FRMPD4: variants seen among roughly 807,000 people sequenced by gnomAD.
FRMPD4 encodes the protein FERM and PDZ domain containing 4.
Under a neutral mutation model 94.1 loss-of-function variants are expected in FRMPD4, and 22 were observed. That is an observed-to-expected ratio of 0.23 (90% CI 0.17 to 0.33). The LOEUF (loss-of-function observed/expected upper bound fraction) is 0.33. Ranked by LOEUF, FRMPD4 falls within the 10% of genes least tolerant of loss-of-function variation. FRMPD4 has a pLI of 1.00. For synonymous variants in FRMPD4, 631 were observed against 548.6 expected, an observed-to-expected ratio of 1.15 and a Z score of -2.10; for missense variants, 1,111 against 1,339.9, an observed-to-expected ratio of 0.83 and a Z score of 2.67.
intron 4 of FRMPD4, among the ~76,000 whole-genome samples, chrX:12,667,526 A>G (rs1242362460): frequency 8.9e-6 from 1 of 112,288 alleles, no homozygotes; most frequent in Admixed American, 9.4e-5. Flanking sequence ...TAAAATGAGA[A>G]AGGCATTTAA....
intron 2 of FRMPD4, among the ~76,000 whole-genome samples, chrX:11,868,536 C>T (rs1193645123): frequency 9.8e-6 from 1 of 102,529 alleles, no homozygotes; most frequent in African/African-American, 3.6e-5. Flanking sequence ...TGATTTCCAA[C>T]TGGAGATGTA....
At chrX:12,158,391 A>G (rs1569173362) in intron 1 of FRMPD4, among the ~76,000 whole-genome samples, 1 of 111,890 alleles carries the variant, frequency 8.9e-6, no homozygotes, top group East Asian at 2.8e-4. Context: ...CACCAGTAAC[A>G]CTTCTTATTT....
At chrX:12,661,412 T>C (rs774905567) in intron 4 of FRMPD4, among the ~76,000 whole-genome samples, 21 of 112,140 alleles carry the variant, frequency 1.9e-4, no homozygotes, top group Non-Finnish European at 3.8e-4. Context: ...AAAATGGTAG[T>C]AGGAGAAACA....
chrX:12,501,442 GTT>G (rs147454207), intron 2 of FRMPD4, among the ~76,000 whole-genome samples: 1 of 94,191 alleles, frequency 1.1e-5, no homozygotes, highest in African/African-American at 3.9e-5. Context: ...TCCTTTCCTT[GTT>G]TTTTTTTTTT....
chrX:12,654,231 CTGGCTTCTG>C (rs1325306890), intron 4 of FRMPD4, among the ~76,000 whole-genome samples: 1 of 112,232 alleles, frequency 8.9e-6, no homozygotes, highest in Non-Finnish European at 1.9e-5. Context: ...CCATACCATG[CTGGCTTCTG>C]TGAACTTTCA....
At chrX:12,674,009 C>T (rs1160680872) in intron 4 of FRMPD4, among the ~76,000 whole-genome samples, 1 of 111,775 alleles carries the variant, frequency 8.9e-6, no homozygotes, top group Non-Finnish European at 1.9e-5. Context: ...TTAATTACAA[C>T]CTAAAGTAGA....
intron 1 of FRMPD4, among the ~76,000 whole-genome samples, chrX:12,232,575 C>A (rs921002017): frequency 2.7e-5 from 3 of 111,033 alleles, no homozygotes; most frequent in Non-Finnish European, 3.8e-5. Context: ...ACAGACAAAC[C>A]ATGTCAGTCC....
intron 4 of FRMPD4, among the ~76,000 whole-genome samples, chrX:12,618,185 T>C (rs1180363431): frequency 8.9e-6 from 1 of 111,917 alleles, no homozygotes; most frequent in Non-Finnish European, 1.9e-5. Context: ...ACTAATTAAC[T>C]GAAAGCAGTC....
intron 13 of FRMPD4, among the ~76,000 whole-genome samples, chrX:12,708,748 G>A (rs1450433240): frequency 7.1e-5 from 8 of 111,995 alleles, no homozygotes; most frequent in Non-Finnish European, 1.3e-4. Flanking sequence ...TCCCCACTAG[G>A]GTGCTGGTGT....
intron 2 of FRMPD4, among the ~76,000 whole-genome samples, chrX:12,538,395 G>A (rs984353528): frequency 9.0e-6 from 1 of 111,560 alleles, no homozygotes; most frequent in African/African-American, 3.3e-5. Flanking sequence ...CTCCACCTCT[G>A]GGGGCAGGGC....
intron 1 of FRMPD4, among the ~76,000 whole-genome samples, chrX:12,257,754 C>G (rs1411074640): frequency 9.0e-6 from 1 of 111,164 alleles, no homozygotes; most frequent in East Asian, 2.8e-4. Context: ...TTTTAGGTAC[C>G]CTGAAAAACT....
intron 2 of FRMPD4, among the ~76,000 whole-genome samples, chrX:12,545,291 G>T (rs1452327818): frequency 2.2e-5 from 2 of 92,603 alleles, no homozygotes; most frequent in Non-Finnish European, 4.4e-5. Context: ...GTTAGTGTTA[G>T]TGTATTTTAT....
intron 3 of FRMPD4, among the ~76,000 whole-genome samples, chrX:11,935,072 A>ATTTTTTTTTTTTT (rs753999126): frequency 2.5e-5 from 1 of 40,238 alleles, no homozygotes; most frequent in Admixed American, 3.2e-4. Flanking sequence ...ACTATTGGTG[A>ATTTTTTTTTTTTT]TTTTTTTTTT....
chrX:12,498,474 T>G, intron 1 of FRMPD4: 1 of 435,475 alleles, frequency 2.3e-6, no homozygotes, highest in Middle Eastern at 4.1e-4. Flanking sequence ...CCTAGAAAAT[T>G]CTCCAGAACC....
chrX:12,381,270 T>G (rs1054353826), intron 1 of FRMPD4, among the ~76,000 whole-genome samples: 2 of 112,168 alleles, frequency 1.8e-5, no homozygotes, highest in African/African-American at 6.5e-5. Flanking sequence ...TCCTCATGTT[T>G]AGACTTGAAA....
intron 1 of FRMPD4, among the ~76,000 whole-genome samples, chrX:12,299,017 C>G (rs1314674717): frequency 3.6e-5 from 4 of 111,841 alleles, no homozygotes; most frequent in African/African-American, 1.3e-4. Context: ...ACCCAAGCAA[C>G]AGTGGAAATA....
chrX:12,157,723 T>G (rs2055957293), intron 1 of FRMPD4, among the ~76,000 whole-genome samples: 1 of 112,054 alleles, frequency 8.9e-6, no homozygotes, highest in African/African-American at 3.2e-5. Flanking sequence ...TCCAAGATGG[T>G]CTCTGTCCTG....
chrX:12,010,836 T>G (rs1301086263), intron 3 of FRMPD4, among the ~76,000 whole-genome samples: 1 of 112,248 alleles, frequency 8.9e-6, no homozygotes, highest in African/African-American at 3.2e-5. Context: ...AGATAGCCCT[T>G]CAAGGATGTG....
chrX:12,610,079 C>T (rs1490270369), intron 3 of FRMPD4, among the ~76,000 whole-genome samples, 198 bp downstream of exon 3: 4 of 112,298 alleles, frequency 3.6e-5, no homozygotes, highest in Admixed American at 2.8e-4. Context: ...ATCATTATCA[C>T]CAGACTCAGG....
Sources: allele counts gnomAD v4.1 joint callset (sites outside exome capture counted in the v4.1 genomes callset), GRCh38; gene constraint gnomAD v4.1.1; transcripts MANE v1.5; gene names NCBI Gene and HGNC (gene_info 2026-07-23, HGNC 2026-07-21).